The following CFAP58 variants were observed in gnomAD, a reference collection of about 807,000 sequenced individuals.
CFAP58 encodes the protein cilia- and flagella-associated protein 58.
In CFAP58, 88 loss-of-function variants were observed where a neutral mutation model predicts 119.5. The observed-to-expected ratio is 0.74, with a 90% confidence interval of 0.62 to 0.88. The LOEUF (loss-of-function observed/expected upper bound fraction) is 0.88, where lower values mean the gene tolerates loss of function less well. CFAP58 is among the 40% of genes least tolerant of loss of function. The probability of loss-of-function intolerance (pLI) is 0.00; values close to 1 mark genes in which losing one functional copy is unlikely to be tolerated. For missense variants in CFAP58, 990 were observed against 1,021.2 expected (o/e 0.97, Z 0.42); for synonymous variants, 365 against 366.3 (o/e 1.00, Z 0.04).
intron 15 of CFAP58, among the ~76,000 whole-genome samples, chr10:104,414,012 T>C (rs2012504308): frequency 6.6e-6 from 1 of 152,080 alleles, no homozygotes; most frequent in Non-Finnish European, 1.5e-5. Context: ...GAGGTGGATT[T>C]TGCATGCCAT....
intron 2 of CFAP58, among the ~76,000 whole-genome samples, chr10:104,359,630 C>G (rs1183134906): frequency 1.3e-5 from 2 of 152,094 alleles, no homozygotes; most frequent in African/African-American, 4.8e-5. Flanking sequence ...AACCCCGTCT[C>G]TACCAAAAAT....
intron 3 of CFAP58, among the ~76,000 whole-genome samples, chr10:104,363,251 G>C (rs111733255): frequency 1.7e-4 from 26 of 152,274 alleles, no homozygotes; most frequent in African/African-American, 6.3e-4. Flanking sequence ...CTGAAGGAAG[G>C]CACCTTTATA....
the CFAP58 span, among the ~76,000 whole-genome samples, chr10:104,340,070 A>T: frequency 8.2e-4 from 125 of 152,344 alleles, no homozygotes; most frequent in Non-Finnish European, 1.1e-3. Flanking sequence ...ATATTTATAT[A>T]AGGAATATTT....
intron 15 of CFAP58, among the ~76,000 whole-genome samples, chr10:104,437,869 G>A (rs148458889): frequency 2.9e-4 from 44 of 152,144 alleles, no homozygotes; most frequent in East Asian, 9.7e-4. Context: ...ATCTTGCTAC[G>A]TTAAAATTAA....
intron 1 of CFAP58, among the ~76,000 whole-genome samples, chr10:104,354,693 A>T (rs76700447): frequency 0.014 from 2,146 of 152,262 alleles, 43 homozygotes; most frequent in African/African-American, 0.041. Flanking sequence ...TGTTCCAGCC[A>T]GGACCAGCTA....
In CFAP58 at chr10:104,406,682, T is replaced by C; in HGVS notation, c.2152-7T>C. On this transcript the variant is annotated splice_region_variant and splice_polypyrimidine_tract_variant and intron_variant, in intron 14 of 17. Coordinates refer to ENST00000369704, the MANE Select transcript of CFAP58 (RefSeq NM_001008723.2). Reference sequence around the variant, plus strand: ...TCTCAGCTGCTATTGTTGTTCCCCTTGGACAGGCCAGCGACCCCAATGCAT... The same window carrying C: ...TCTCAGCTGCTATTGTTGTTCCCCTCGGACAGGCCAGCGACCCCAATGCAT... 1 of 1,613,660 alleles carries C rather than the reference T, an allele frequency of 6.2e-7. No homozygotes were observed. The highest frequency in any genetic ancestry group is 8.5e-7 in the Non-Finnish European group (1 of 1,179,544).
intron 1 of CFAP58, among the ~76,000 whole-genome samples, chr10:104,354,481 C>T (rs1029049265): frequency 1.7e-4 from 26 of 152,022 alleles, no homozygotes; most frequent in African/African-American, 6.3e-4. Context: ...TACAGTACAC[C>T]CCATTTTCAG....
chr10:104,436,285 A>C (rs2012932962), intron 15 of CFAP58, among the ~76,000 whole-genome samples: 1 of 152,248 alleles, frequency 6.6e-6, no homozygotes, highest in Non-Finnish European at 1.5e-5. Context: ...ACGATACAAT[A>C]GAATAACATT....
chr10:104,433,120 G>T (rs900935518), intron 15 of CFAP58, among the ~76,000 whole-genome samples: 1 of 152,088 alleles, frequency 6.6e-6, no homozygotes, highest in Non-Finnish European at 1.5e-5. Context: ...TTGAGACAGG[G>T]TCTCGTTCCA....
chr10:104,400,922 C>T lies in CFAP58; in HGVS notation c.2039+19C>T, dbSNP rs780056526. On this transcript the variant is annotated intron_variant, in intron 13 of 17. Transcript: ENST00000369704. ...AACTCAGGTAATAGATTATAGAACT[C>T]AGGGCTGAAGGCACAGTGCAACGTG... The T allele has an allele frequency of 6.3e-7, 1 of 1,594,808 alleles. No homozygotes were observed. The highest frequency in any genetic ancestry group is 8.6e-7 in the Non-Finnish European group (1 of 1,163,412).
chr10:104,367,008 G>T (rs1166630065), intron 5 of CFAP58, among the ~76,000 whole-genome samples: 3 of 151,810 alleles, frequency 2.0e-5, no homozygotes, highest in Non-Finnish European at 4.4e-5. Flanking sequence ...ACTGGAGTCT[G>T]CCACCATGCC....
chr10:104,345,573 C>A, the CFAP58 span, among the ~76,000 whole-genome samples: 13 of 152,176 alleles, frequency 8.5e-5, no homozygotes, highest in African/African-American at 2.7e-4. Flanking sequence ...TATGGGGCAG[C>A]ACCATAGATG....
chr10:104,399,149 G>T (rs1428573545), intron 11 of CFAP58, among the ~76,000 whole-genome samples: 1 of 151,234 alleles, frequency 6.6e-6, no homozygotes, highest in Non-Finnish European at 1.5e-5. Context: ...CATGATGACT[G>T]TAATGTGCAT....
intron 9 of CFAP58, among the ~76,000 whole-genome samples, chr10:104,387,519 A>G (rs2011948501): frequency 6.6e-6 from 1 of 152,238 alleles, no homozygotes; most frequent in South Asian, 2.1e-4. Context: ...GTTGTGGGAC[A>G]AGGGGAGAGA....
chr10:104,358,766 C>G, intron 2 of CFAP58, 144 bp downstream of exon 2: 2 of 653,876 alleles, frequency 3.1e-6, no homozygotes. Flanking sequence ...GAATAATGTT[C>G]ATTTTCAAAG....
intron 7 of CFAP58, among the ~76,000 whole-genome samples, chr10:104,376,498 G>A (rs573149296): frequency 2.4e-5 from 3 of 125,238 alleles, no homozygotes; most frequent in Non-Finnish European, 3.2e-5. Context: ...GCAAAACTCC[G>A]TCTCAAAAAA....
At chr10:104,429,984 C>T (rs1238453479) in intron 15 of CFAP58, among the ~76,000 whole-genome samples, 1 of 152,110 alleles carries the variant, frequency 6.6e-6, no homozygotes, top group Non-Finnish European at 1.5e-5. Flanking sequence ...AGAGTCATTC[C>T]CTTGGCTTTT....
chr10:104,400,683 A>T lies in CFAP58; in HGVS notation c.1819A>T (p.Ile607Phe). 6.2e-7 allele frequency: 1 copy of T among 1,613,464 alleles called. No homozygotes were observed. The highest frequency in any genetic ancestry group is 8.5e-7 in the Non-Finnish European group (1 of 1,179,794). Residue 607 changes from isoleucine (I) to phenylalanine (F), a missense_variant, in exon 13 of 18, where the codon ATC becomes TTC. Ile to Phe is a conservative substitution (Grantham distance 21). Transcript: ENST00000369704. ...ATGCCCCTCCCTACCTTCCTAGGTC[A>T]TCAGTGAGAGAGATATCCTGGGGTC... ...LRQKKELDQV[I>F]SERDILGSQL...
chr10:104,380,169 G>A lies in CFAP58; in HGVS notation c.1314G>A (p.Leu438=), dbSNP rs768513070. 3.7e-5 allele frequency: 59 copies of A among 1,614,000 alleles called. No individual in the cohort carries two copies. The highest frequency in any genetic ancestry group is 4.7e-5 in the Non-Finnish European group (55 of 1,179,998). ...AQKQRKIIFH[L]EKERDRYINQ... Reference sequence around the variant, plus strand: ...AGCAGAGAAAGATCATCTTTCATCTGGAAAAGGAGCGTGACCGGTACATCA... The same window carrying A: ...AGCAGAGAAAGATCATCTTTCATCTAGAAAAGGAGCGTGACCGGTACATCA... The change falls in exon 9 of 18, where the codon CTG becomes CTA. Residue 438 remains leucine, a synonymous_variant. Coordinates refer to ENST00000369704, the MANE Select transcript of CFAP58 (RefSeq NM_001008723.2).
Sources: gnomAD v4.1 joint callset for allele counts (sites outside exome capture counted in the v4.1 genomes callset) on GRCh38, gnomAD v4.1.1 for gene constraint, MANE v1.5 for transcripts, NCBI Gene and HGNC (gene_info 2026-07-23, HGNC 2026-07-21) for gene names.